The following TRHDE variants were observed in gnomAD, a reference collection of about 807,000 sequenced individuals.
TRHDE encodes the protein thyrotropin-releasing hormone-degrading ectoenzyme.
A neutral mutation model predicts 125.7 loss-of-function variants in TRHDE; 72 were observed. That is an observed-to-expected ratio of 0.57 (90% CI 0.47 to 0.70). The LOEUF is 0.70. Among genes scored for constraint, TRHDE ranks in the 30% least tolerant of loss-of-function variants. The pLI, the probability that TRHDE is intolerant of heterozygous loss-of-function variation, is 0.00. For synonymous variants in TRHDE, 509 were observed against 509.1 expected, an observed-to-expected ratio of 1.00 and a Z score of 0.00; for missense variants, 1,110 against 1,327.1, an observed-to-expected ratio of 0.84 and a Z score of 2.54.
At chr12:72,369,485 A>T (rs1236316652) in intron 2 of TRHDE, among the ~76,000 whole-genome samples, 1 of 152,206 alleles carries the variant, frequency 6.6e-6, no homozygotes, top group Non-Finnish European at 1.5e-5. Context: ...AAACTGTGTC[A>T]GGACAAAAAA....
intron 2 of TRHDE, among the ~76,000 whole-genome samples, chr12:72,332,217 C>T (rs1055591166): frequency 2.0e-5 from 3 of 152,100 alleles, no homozygotes; most frequent in African/African-American, 7.2e-5. Context: ...CGGCTCACTG[C>T]AAGCTCCACC....
intron 2 of TRHDE, among the ~76,000 whole-genome samples, chr12:72,341,727 CAG>C (rs1870094277): frequency 6.6e-6 from 1 of 152,010 alleles, no homozygotes; most frequent in South Asian, 2.1e-4. Context: ...ATAGCAACGA[CAG>C]AGTCAAAGGG....
intron 2 of TRHDE, among the ~76,000 whole-genome samples, chr12:72,152,660 T>G (rs561441240): frequency 0.017 from 2,585 of 152,264 alleles, 39 homozygotes; most frequent in Middle Eastern, 0.041. Context: ...TAATCACGTG[T>G]TTTTTGTCGT....
chr12:72,509,150 A>T (rs891850648), intron 6 of TRHDE, among the ~76,000 whole-genome samples: 4 of 152,126 alleles, frequency 2.6e-5, no homozygotes, highest in Non-Finnish European at 5.9e-5. Context: ...TTTCTGCAAC[A>T]TCTCTCTGCT....
chr12:72,397,289 C>T (rs568052205), intron 3 of TRHDE, among the ~76,000 whole-genome samples: 5 of 152,288 alleles, frequency 3.3e-5, no homozygotes, highest in South Asian at 2.1e-4. Flanking sequence ...TCCACATTTT[C>T]GCTGCTATTC....
At chr12:72,546,210 A>G (rs1869410797) in intron 7 of TRHDE, among the ~76,000 whole-genome samples, 1 of 151,700 alleles carries the variant, frequency 6.6e-6, no homozygotes, top group African/African-American at 2.4e-5. Flanking sequence ...TCAGAATTTT[A>G]AATCATAGTT....
At chr12:72,095,919 G>C (rs571348928) in intron 1 of TRHDE, among the ~76,000 whole-genome samples, 1 of 152,088 alleles carries the variant, frequency 6.6e-6, no homozygotes, top group Non-Finnish European at 1.5e-5. Flanking sequence ...AATGTGGTTG[G>C]GCCTCCTCCA....
At chr12:72,494,324 T>C (rs1565764742) in intron 5 of TRHDE, among the ~76,000 whole-genome samples, 1 of 152,038 alleles carries the variant, frequency 6.6e-6, no homozygotes, top group East Asian at 1.9e-4. Flanking sequence ...ATGTAACCCA[T>C]GTCTCTTTGA....
intron 3 of TRHDE, among the ~76,000 whole-genome samples, chr12:72,426,841 A>G (rs889490572): frequency 6.6e-6 from 1 of 152,122 alleles, no homozygotes; most frequent in African/African-American, 2.4e-5. Flanking sequence ...ATGACTGCTA[A>G]TACTCCATTT....
Position 72,094,215 on chromosome 12 carries a change from G to A in TRHDE, n.174+6776G>A, listed in dbSNP as rs372402903. On this transcript the variant is annotated intron_variant and non_coding_transcript_variant, in intron 1 of 4. Coordinates refer to the TRHDE transcript ENST00000548156. ...AATGAAAGTCCACAGATGACACCAG[G>A]TGCACTGACAATGTAGCTTTCTTGG... Among the ~76,000 whole-genome samples, 4 of 152,240 alleles carry A rather than the reference G, an allele frequency of 2.6e-5. No homozygotes were observed. In the East Asian group the frequency reaches 5.8e-4, roughly 22 times the overall value.
rs1197319246 is a variant in TRHDE at position 72,667,698 on chromosome 12, A to T, written c.*4503A>T. 2 of 151,794 alleles carry T rather than the reference A, an allele frequency of 1.3e-5. No individual in the cohort carries two copies. Among genetic ancestry groups the T allele is most frequent in the Non-Finnish European group, 3.0e-5 (2 of 67,792 alleles). 9.4% of individuals were successfully genotyped at this position (151,794 alleles called of 1,614,324 possible). On this transcript the variant is annotated 3_prime_UTR_variant, in exon 19 of 19. Coordinates refer to ENST00000261180, the MANE Select transcript of TRHDE (RefSeq NM_013381.3). ...CACTAGTTCTCAAAACATTTATGAT[A>T]CCTAGTATAATTTTTATTGTTTGAT...
At chr12:72,425,921 A>C (rs770995322) in intron 3 of TRHDE, among the ~76,000 whole-genome samples, 1 of 148,730 alleles carries the variant, frequency 6.7e-6, no homozygotes, top group Non-Finnish European at 1.5e-5. Context: ...TGGAGTTGCC[A>C]AAACTCATAT....
intron 10 of TRHDE, among the ~76,000 whole-genome samples, chr12:72,570,007 A>G (rs1185434652): frequency 6.6e-6 from 1 of 152,206 alleles, no homozygotes; most frequent in South Asian, 2.1e-4. Context: ...ATTAGAAAGA[A>G]GTCATCGCTC....
chr12:72,565,234 G>A (rs953447035), intron 9 of TRHDE, among the ~76,000 whole-genome samples: 30 of 152,020 alleles, frequency 2.0e-4, no homozygotes, highest in African/African-American at 7.2e-4. Flanking sequence ...ACCAACTACC[G>A]ATCTATTCCA....
chr12:72,390,723 TATC>T (rs1394121377), intron 3 of TRHDE, among the ~76,000 whole-genome samples: 1 of 152,202 alleles, frequency 6.6e-6, no homozygotes, highest in Non-Finnish European at 1.5e-5. Context: ...ATTGATTGAT[TATC>T]ATTTCTAAGG....
intron 2 of TRHDE, among the ~76,000 whole-genome samples, chr12:72,199,270 T>C (rs1490808437): frequency 6.6e-6 from 1 of 152,036 alleles, no homozygotes; most frequent in Non-Finnish European, 1.5e-5. Flanking sequence ...AGGAGGTATG[T>C]CAGAGCTTAA....
rs376760755 is a variant in TRHDE at position 72,621,257 on chromosome 12, T to C, written c.2567+52T>C. On this transcript the variant is annotated intron_variant, in intron 14 of 18. Transcript: ENST00000261180. ...CTTTACCCCTAGAGCTGTATAATAATGTACTACTAGTGCCATTGTGACTTT... is the reference window on the plus strand; with the variant it reads ...CTTTACCCCTAGAGCTGTATAATAACGTACTACTAGTGCCATTGTGACTTT... 883 of 1,153,264 alleles carry C rather than the reference T, an allele frequency of 7.7e-4. 10 individuals are homozygous for C. The highest frequency in any genetic ancestry group is 2.0e-4 in the Middle Eastern group (1 of 5,122). The allele number at this position is 1,153,264 out of a possible 1,614,324, so 71.4% of individuals were successfully genotyped here.
intron 2 of TRHDE, among the ~76,000 whole-genome samples, chr12:72,109,658 A>T (rs1875272433): frequency 6.6e-6 from 1 of 152,172 alleles, no homozygotes; most frequent in East Asian, 1.9e-4. Flanking sequence ...AGGTGAAAGG[A>T]AAAAATACCT....
At chr12:72,159,325 T>C (rs991543829) in intron 2 of TRHDE, among the ~76,000 whole-genome samples, 1 of 152,240 alleles carries the variant, frequency 6.6e-6, no homozygotes, top group Admixed American at 6.5e-5. Flanking sequence ...TTCAATGATC[T>C]ACTTTGTAGA....
Sources: allele counts gnomAD v4.1 joint callset (sites outside exome capture counted in the v4.1 genomes callset), GRCh38; gene constraint gnomAD v4.1.1; transcripts MANE v1.5; gene names NCBI Gene and HGNC (gene_info 2026-07-23, HGNC 2026-07-21).